The following RIPK4 variants were observed in gnomAD, a reference collection of about 807,000 sequenced individuals.
RIPK4 encodes receptor-interacting serine/threonine-protein kinase 4.
A neutral mutation model predicts 42.9 loss-of-function variants in RIPK4; 17 were observed. The ratio of observed to expected loss-of-function variants is 0.40; its 90% CI spans 0.27 to 0.59. RIPK4 has a LOEUF of 0.59. Among genes scored for constraint, RIPK4 ranks in the 20% least tolerant of loss-of-function variants. The pLI, the probability that RIPK4 is intolerant of heterozygous loss-of-function variation, is 0.47. For synonymous variants in RIPK4, 498 were observed against 499.1 expected, an observed-to-expected ratio of 1.00 and a Z score of 0.03; for missense variants, 897 against 1,104.4, an observed-to-expected ratio of 0.81 and a Z score of 2.66.
rs771769689 is a variant in RIPK4, at chr21:41,741,562, G to T, written c.1631C>A (p.Ala544Asp). Reference sequence around the variant, plus strand: ...GATATTCTCCTGCCCGTGCTGGCAGGCCACGTGCATGGGCGTCCGGCCCTC... The same window carrying T: ...GATATTCTCCTGCCCGTGCTGGCAGTCCACGTGCATGGGCGTCCGGCCCTC... The part of the protein sequence containing the change: ...DFEGRTPMHV[A>D]CQHGQENIVR... The change falls in exon 8 of 8, where the codon GCC (alanine) becomes GAC (aspartate). Residue 544 changes from alanine to aspartate, a missense_variant. Physicochemically the swap from Ala to Asp is moderately radical, Grantham distance 126. Coordinates refer to ENST00000332512, the MANE Select transcript of RIPK4 (RefSeq NM_020639.3). 1 of 1,611,836 alleles carries T rather than the reference G, an allele frequency of 6.2e-7. No individual in the cohort carries two copies. The highest frequency in any genetic ancestry group is 8.5e-7 in the Non-Finnish European group (1 of 1,180,022).
chr21:41,746,635 C>G lies in RIPK4; in HGVS notation c.810G>C (p.Pro270=). The G allele has an allele frequency of 1.9e-6, 3 of 1,610,474 alleles. No homozygotes were observed. The highest frequency in any genetic ancestry group is 2.5e-6 in the Non-Finnish European group (3 of 1,179,752). The part of the protein sequence containing the change: ...RLMQRCWQGD[P]RVRPTFQEIT... ...CACCTTGGAAGGTGGGCCTAACTCG[C>G]GGATCCCCCTGCCAGCACCGCTGCA... is the stretch of plus-strand genomic sequence containing the variant. The change falls in exon 5 of 8, where the codon CCG becomes CCC. Residue 270 remains proline, a synonymous_variant. Coordinates refer to ENST00000332512, the MANE Select transcript of RIPK4 (RefSeq NM_020639.3).
intron 1 of RIPK4, among the ~76,000 whole-genome samples, chr21:41,764,670 T>C (rs943046472): frequency 6.6e-6 from 1 of 152,166 alleles, no homozygotes; most frequent in South Asian, 2.1e-4. Context: ...TACAACCTTG[T>C]GAGACTGCAA....
At chr21:41,758,320 A>G (rs1392826263) in intron 1 of RIPK4, among the ~76,000 whole-genome samples, 1 of 152,090 alleles carries the variant, frequency 6.6e-6, no homozygotes, top group African/African-American at 2.4e-5. Flanking sequence ...AGCATATAAA[A>G]TTTGCCCTTC....
In RIPK4 at chr21:41,755,741, G is replaced by A. The variant is rs969266816; in HGVS notation, c.474+784C>T. Among the ~76,000 whole-genome samples the A allele has an allele frequency of 1.3e-5, 2 of 152,190 alleles. No individual in the cohort carries two copies. Among genetic ancestry groups the A allele is most frequent in the African/African-American group, 4.8e-5 (2 of 41,444 alleles). ...CCCAAGAGCATGTGAACATCACCACGTGGGGAAAAACTACAACGCGCCAGG... is the reference window on the plus strand; with the variant it reads ...CCCAAGAGCATGTGAACATCACCACATGGGGAAAAACTACAACGCGCCAGG... On this transcript the variant is annotated intron_variant, in intron 2 of 7. Coordinates refer to ENST00000332512, the MANE Select transcript of RIPK4 (RefSeq NM_020639.3). This position sits in a 1 kb window ranked among gnomAD's most constrained non-coding sequence, Gnocchi z 4.2.
At chr21:41,746,431 G>A (rs2061171475) in intron 5 of RIPK4, among the ~76,000 whole-genome samples, 182 bp downstream of exon 5, 1 of 152,162 alleles carries the variant, frequency 6.6e-6, no homozygotes, top group Non-Finnish European at 1.5e-5. Context: ...CCGTGGCCGA[G>A]CCGTGAGTAC....
rs749811219 is a variant in RIPK4, at chr21:41,740,852, G to A, written c.2341C>T (p.Arg781Ter). The A allele has an allele frequency of 1.2e-5, 20 of 1,604,284 alleles. No individual in the cohort carries two copies. The highest frequency in any genetic ancestry group is 6.7e-5 in the African/African-American group (5 of 74,706). ...CAGGCAGCCAGCTAGGTCTTGCTTC[G>A]CCGCAGGAGCGTGGCGGCGGGGCCA... Reference protein sequence around the residue: ...GHGPAATLLRRSKT With the variant: ...GHGPAATLLR Residue 781 changes from arginine (R) to a stop codon, truncating the protein, a stop_gained, in exon 8 of 8, where the codon CGA becomes TGA. Transcript: ENST00000332512. LOFTEE classifies it high-confidence loss of function.
At chr21:41,750,992 G>A in intron 3 of RIPK4, 105 bp downstream of exon 3, 1 of 1,436,580 alleles carries the variant, frequency 7.0e-7, no homozygotes, top group East Asian at 2.3e-5. Flanking sequence ...CCCCATTTCT[G>A]ACTGGCAGCA....
rs2061162782 is a variant in RIPK4 at position 41,744,059 on chromosome 21, C to A, written c.1018G>T (p.Asp340Tyr). The A allele has an allele frequency of 6.2e-7, 1 of 1,612,772 alleles. No individual in the cohort carries two copies. Among genetic ancestry groups the A allele is most frequent in the African/African-American group, 1.3e-5 (1 of 74,920 alleles). ...YSLSELLSQLDSGVSQAVEGP... is the reference protein window; with the variant it reads ...YSLSELLSQLYSGVSQAVEGP... ...TCGACAGCCTGGGAAACTCCAGAGTCCAGCTGTGAGAGCAGCTCGGAGAGG... is the reference window on the plus strand; with the variant it reads ...TCGACAGCCTGGGAAACTCCAGAGTACAGCTGTGAGAGCAGCTCGGAGAGG... The change falls in exon 7 of 8, where the codon GAC becomes TAC. Residue 340 changes from aspartate to tyrosine, a missense_variant. Coordinates refer to ENST00000332512, the MANE Select transcript of RIPK4 (RefSeq NM_020639.3).
chr21:41,765,514 C>T (rs549044660), intron 1 of RIPK4, among the ~76,000 whole-genome samples: 13 of 152,180 alleles, frequency 8.5e-5, no homozygotes, highest in African/African-American at 3.1e-4. Context: ...TAGCCAAGGA[C>T]GAAAATGCAA....
rs17113877 is a variant in RIPK4, at chr21:41,740,090, T to A, written c.*748A>T. ...TGGCTCTAGAGTTGCCAAAACATCT[T>A]AGGCAACGAGAAACGAACGGCAGCT... On this transcript the variant is annotated 3_prime_UTR_variant, in exon 8 of 8. Transcript: ENST00000332512. The A allele has an allele frequency of 6.6e-6, 1 of 152,030 alleles. No homozygotes were observed. The highest frequency in any genetic ancestry group is 2.1e-4 in the South Asian group (1 of 4,812). 9.4% of individuals were successfully genotyped at this position (152,030 alleles called of 1,614,324 possible).
At chr21:41,750,827 G>A (rs995747901) in intron 3 of RIPK4, among the ~76,000 whole-genome samples, 8 of 152,138 alleles carry the variant, frequency 5.3e-5, no homozygotes, top group East Asian at 1.9e-4. Flanking sequence ...ACAGGTGCAC[G>A]CCACCAAGCT....
intron 1 of RIPK4, among the ~76,000 whole-genome samples, chr21:41,763,480 G>A (rs1373886084): frequency 6.6e-6 from 1 of 152,212 alleles, no homozygotes; most frequent in African/African-American, 2.4e-5. Flanking sequence ...TCTTGTGCAA[G>A]CGGAGAAGCA....
chr21:41,765,588 A>G (rs2061233615), intron 1 of RIPK4, among the ~76,000 whole-genome samples: 2 of 152,212 alleles, frequency 1.3e-5, no homozygotes, highest in African/African-American at 4.8e-5. Context: ...TGCAGCACGC[A>G]CTGCCACCCC....
At chr21:41,745,909 G>C (rs371810697) in intron 5 of RIPK4, 47 bp from the exon 6 acceptor site, 2 of 1,407,424 alleles carry the variant, frequency 1.4e-6, no homozygotes, top group Non-Finnish European at 2.0e-6. Context: ...TGACTTCTGC[G>C]TACACACGCG....
In RIPK4 at chr21:41,742,099, G is replaced by A; in HGVS notation, c.1196-102C>T. On this transcript the variant is annotated intron_variant, in intron 7 of 7. Transcript: ENST00000332512. The surrounding 1 kb of genome is among the most constrained non-coding windows in gnomAD (Gnocchi z 5.1). ...GGCGCTCAGGTGGAGGAGTGCCATG[G>A]CCTCCAGGCTGCTCGCTGGTCACCC... 9.7e-7 allele frequency: 1 copy of A among 1,026,488 alleles called. No individual in the cohort carries two copies. The allele number at this position is 1,026,488 out of a possible 1,614,324, so 63.6% of individuals were successfully genotyped here.
At position 41,767,013 on chromosome 21, in the gene RIPK4, G is replaced by T. The variant is rs780286296; in HGVS notation, c.29C>A (p.Ala10Asp). 6.3e-7 allele frequency: 1 copy of T among 1,589,580 alleles called. No individual in the cohort carries two copies. The highest frequency in any genetic ancestry group is 2.4e-5 in the East Asian group (1 of 41,648). ...GTCGAAGGTGCGCAGCAGCGCCAGG[G>T]CCCATGGGGTCCCGCCGTCGCCCTC... is the stretch of plus-strand genomic sequence containing the variant. MEGDGGTPW[A>D]LALLRTFDAG... The change falls in exon 1 of 8, where the codon GCC (alanine) becomes GAC (aspartate). Residue 10 changes from alanine to aspartate, a missense_variant. Transcript: ENST00000332512. This position sits in a 1 kb window ranked among gnomAD's most constrained non-coding sequence, Gnocchi z 4.0.
intron 1 of RIPK4, among the ~76,000 whole-genome samples, chr21:41,760,007 A>AC (rs914004770): frequency 1.4e-4 from 22 of 152,094 alleles, no homozygotes; most frequent in African/African-American, 4.6e-4. Context: ...AGGCAACTTC[A>AC]CCCCCCAAGA....
At chr21:41,765,208 A>G (rs1209529387) in intron 1 of RIPK4, among the ~76,000 whole-genome samples, 5 of 152,254 alleles carry the variant, frequency 3.3e-5, no homozygotes, top group Admixed American at 1.3e-4. Flanking sequence ...GCTCACACAC[A>G]TCCCCAAGAG....
At chr21:41,762,760 C>T (rs1029517185) in intron 1 of RIPK4, among the ~76,000 whole-genome samples, 7 of 148,072 alleles carry the variant, frequency 4.7e-5, no homozygotes, top group Admixed American at 4.1e-4. Context: ...GATGACCACA[C>T]AAAAGGAACT....
Sources: gnomAD v4.1 joint callset for allele counts (sites outside exome capture counted in the v4.1 genomes callset) on GRCh38, gnomAD v4.1.1 for gene constraint, Gnocchi (gnomAD v3.1) non-coding constraint, MANE v1.5 for transcripts, NCBI Gene and HGNC (gene_info 2026-07-23, HGNC 2026-07-21) for gene names.